The following PARD3 variants were observed in gnomAD, a reference collection of about 807,000 sequenced individuals.
The protein encoded by PARD3 is par-3 family cell polarity regulator.
PARD3 carries 75 observed loss-of-function variants against 155.4 expected under a neutral mutation model. The observed-to-expected ratio is 0.48, with a 90% confidence interval of 0.40 to 0.58. The LOEUF (loss-of-function observed/expected upper bound fraction) is 0.58, where lower values mean the gene tolerates loss of function less well. Among genes scored for constraint, PARD3 ranks in the 20% least tolerant of loss-of-function variants. The pLI is 0.00. For synonymous variants in PARD3, 576 were observed against 610.5 expected, an observed-to-expected ratio of 0.94 and a Z score of 0.83; for missense variants, 1,642 against 1,721.7, an observed-to-expected ratio of 0.95 and a Z score of 0.82.
chr10:34,289,018 G>A (rs1421368024), intron 20 of PARD3, among the ~76,000 whole-genome samples: 1 of 152,194 alleles, frequency 6.6e-6, no homozygotes, highest in Non-Finnish European at 1.5e-5. Context: ...CTGGAGTGCA[G>A]TGGTGCAATC....
At chr10:34,428,780 T>C (rs1034627235) in intron 5 of PARD3, among the ~76,000 whole-genome samples, 1 of 152,164 alleles carries the variant, frequency 6.6e-6, no homozygotes, top group African/African-American at 2.4e-5. Flanking sequence ...TCCTACATTA[T>C]AAACTAAAGG....
At chr10:34,482,201 AT>A (rs1029529621) in intron 3 of PARD3, among the ~76,000 whole-genome samples, 24 of 150,596 alleles carry the variant, frequency 1.6e-4, no homozygotes, top group Non-Finnish European at 3.1e-4. Flanking sequence ...TGCCCAGCTA[AT>A]TTTTTTATGT....
chr10:34,771,966 T>C (rs575611576), intron 1 of PARD3, among the ~76,000 whole-genome samples: 1 of 152,340 alleles, frequency 6.6e-6, no homozygotes, highest in South Asian at 2.1e-4. Flanking sequence ...AAAAGTCATT[T>C]GTGGATCCCT....
At chr10:34,120,410 T>G (rs932460963) in intron 23 of PARD3, among the ~76,000 whole-genome samples, 1 of 151,968 alleles carries the variant, frequency 6.6e-6, no homozygotes, top group African/African-American at 2.4e-5. Context: ...TTCCAAAAAC[T>G]AGAAGATGTT....
intron 1 of PARD3, among the ~76,000 whole-genome samples, chr10:34,701,195 G>T (rs574903341): frequency 1.3e-5 from 2 of 152,290 alleles, no homozygotes; most frequent in South Asian, 4.1e-4. Flanking sequence ...GGTGTGAGCA[G>T]CAGGGAAGAA....
chr10:34,726,613 T>C (rs1281584434), intron 1 of PARD3, among the ~76,000 whole-genome samples: 1 of 151,880 alleles, frequency 6.6e-6, no homozygotes, highest in East Asian at 1.9e-4. Context: ...CATACACAAT[T>C]AGCTGGGCGT....
Position 34,681,302 on chromosome 10 carries a change from G to A in PARD3, c.222+15016C>T, listed in dbSNP as rs560309135. Among the ~76,000 whole-genome samples, 9 of 151,838 alleles carry A rather than the reference G, an allele frequency of 5.9e-5. No homozygotes were observed. The South Asian group carries it at 1.9e-3, about 32-fold the overall frequency. ...AAGTATTGTTCTGCCACAGGTTGGA[G>A]GGAAAAAAAAAGCAAATCTAGTCCT... On this transcript the variant is annotated intron_variant, in intron 2 of 24. Coordinates refer to ENST00000374788, the MANE Select transcript of PARD3 (RefSeq NM_001184785.2).
Position 34,815,070 on chromosome 10 carries a change from C to T in PARD3, c.-75G>A. ...GCAGCCGAGGCCGGGACCGAGGACG[C>T]TGGGCGCGGAGGAGCCGCTGGGGAC... On this transcript the variant is annotated 5_prime_UTR_variant, in exon 1 of 25. Coordinates refer to ENST00000374788, the MANE Select transcript of PARD3 (RefSeq NM_001184785.2). 2 of 1,094,424 alleles carry T rather than the reference C, an allele frequency of 1.8e-6. No individual in the cohort carries two copies. Among genetic ancestry groups the T allele is most frequent in the Non-Finnish European group, 2.3e-6 (2 of 881,720 alleles). 67.8% of individuals were successfully genotyped at this position (1,094,424 alleles called of 1,614,324 possible). A position where few individuals can be genotyped will look rare whatever the true frequency, so the allele number is the denominator to read the frequency against.
At chr10:34,385,172 C>T (rs557096062) in intron 7 of PARD3, among the ~76,000 whole-genome samples, 11 of 152,224 alleles carry the variant, frequency 7.2e-5, no homozygotes, top group African/African-American at 2.2e-4. Context: ...TCGTTCTTGT[C>T]GTCCAGGCTG....
At chr10:34,441,095 G>T (rs982077134) in intron 5 of PARD3, among the ~76,000 whole-genome samples, 2 of 152,034 alleles carry the variant, frequency 1.3e-5, no homozygotes, top group Non-Finnish European at 2.9e-5. Flanking sequence ...ATCAAATTGC[G>T]AAATGACGAT....
intron 2 of PARD3, among the ~76,000 whole-genome samples, chr10:34,630,403 G>T (rs1590310200): frequency 6.6e-6 from 1 of 150,762 alleles, no homozygotes; most frequent in Non-Finnish European, 1.5e-5. Context: ...CACAAGTCCC[G>T]ACCAGAGCAT....
intron 5 of PARD3, among the ~76,000 whole-genome samples, chr10:34,428,523 T>C (rs1003983649): frequency 6.6e-6 from 1 of 152,154 alleles, no homozygotes; most frequent in Non-Finnish European, 1.5e-5. Flanking sequence ...TAAATTGTCT[T>C]TATTTCAAAC....
At chr10:34,577,867 AACAG>A (rs1442456498) in intron 2 of PARD3, among the ~76,000 whole-genome samples, 6 of 150,942 alleles carry the variant, frequency 4.0e-5, no homozygotes, top group Admixed American at 1.3e-4. Flanking sequence ...TTTTTTTTTA[AACAG>A]ACAGGGGTCT....
In PARD3 at chr10:34,401,806, T is replaced by G; in HGVS notation, c.806+20A>C. The G allele has an allele frequency of 1.3e-6, 2 of 1,523,336 alleles. No homozygotes were observed. Among genetic ancestry groups the G allele is most frequent in the Non-Finnish European group, 1.8e-6 (2 of 1,097,296 alleles). 94.4% of individuals were successfully genotyped at this position (1,523,336 alleles called of 1,614,324 possible). A position where few individuals can be genotyped will look rare whatever the true frequency, so the allele number is the denominator to read the frequency against. ...GCTACATGTATACTGCAAACTTAGT[T>G]GAAACCATCAGTAACTTACTCCAGA... On this transcript the variant is annotated intron_variant, in intron 6 of 24. Coordinates refer to ENST00000374788, the MANE Select transcript of PARD3 (RefSeq NM_001184785.2).
chr10:34,480,187 G>A (rs1046502589), intron 3 of PARD3, among the ~76,000 whole-genome samples: 4 of 152,216 alleles, frequency 2.6e-5, no homozygotes, highest in Non-Finnish European at 4.4e-5. Context: ...ATCCAGCTCA[G>A]ACGTACTAGT....
rs531202975 is a variant in PARD3, at chr10:34,332,492, T to C, written c.2606-1148A>G. 6.6e-5 allele frequency among the ~76,000 whole-genome samples: 10 copies of C among 152,294 alleles called. No individual in the cohort carries two copies. In the East Asian group the frequency reaches 1.9e-3, roughly 29 times the overall value. ...GTCATCAGCCCATATGTTGATCATGTTATTACCCAGAAGACAAATAGTTGT... is the reference window on the plus strand; with the variant it reads ...GTCATCAGCCCATATGTTGATCATGCTATTACCCAGAAGACAAATAGTTGT... On this transcript the variant is annotated intron_variant, in intron 18 of 24. Coordinates refer to ENST00000374788, the MANE Select transcript of PARD3 (RefSeq NM_001184785.2).
At chr10:34,485,340 A>G (rs1485429749) in intron 3 of PARD3, among the ~76,000 whole-genome samples, 1 of 150,812 alleles carries the variant, frequency 6.6e-6, no homozygotes, top group Admixed American at 6.6e-5. Context: ...TCTGTCTCAA[A>G]AAAAAAAAAA....
intron 1 of PARD3, among the ~76,000 whole-genome samples, chr10:34,793,426 G>A (rs1053607634): frequency 2.2e-4 from 34 of 152,122 alleles, no homozygotes; most frequent in African/African-American, 8.0e-4. Context: ...ATTCTACTTG[G>A]AAAACCACAC....
At chr10:34,785,231 A>C (rs1434674695) in intron 1 of PARD3, among the ~76,000 whole-genome samples, 1 of 152,216 alleles carries the variant, frequency 6.6e-6, no homozygotes, top group Non-Finnish European at 1.5e-5. Flanking sequence ...CACAAATGAG[A>C]TATAACTTTA....
Sources: gnomAD v4.1 joint callset for allele counts (sites outside exome capture counted in the v4.1 genomes callset) on GRCh38, gnomAD v4.1.1 for gene constraint, MANE v1.5 for transcripts, NCBI Gene and HGNC (gene_info 2026-07-23, HGNC 2026-07-21) for gene names.